The following USP13 variants were observed in gnomAD, a reference collection of about 807,000 sequenced individuals.
USP13 encodes the protein ubiquitin specific peptidase 13, also known as ubiquitin carboxyl-terminal hydrolase 13.
USP13 carries 68 observed loss-of-function variants against 107.8 expected under a neutral mutation model. The ratio of observed to expected loss-of-function variants is 0.63; its 90% confidence interval spans 0.52 to 0.77. USP13 has a LOEUF of 0.77. Ranked by LOEUF, USP13 falls within the 30% of genes least tolerant of loss-of-function variation. USP13 has a pLI of 0.00. For synonymous variants in USP13, 377 were observed against 389.5 expected, an observed-to-expected ratio of 0.97 and a Z score of 0.38; for missense variants, 945 against 1,093.3, an observed-to-expected ratio of 0.86 and a Z score of 1.91.
rs755283510 is a variant in USP13, at chr3:179,730,751, A to G, written c.1254+42A>G. 1.9e-6 allele frequency: 3 copies of G among 1,580,490 alleles called. No homozygotes were observed. The East Asian group carries it at 6.7e-5, about 36-fold the overall frequency. On this transcript the variant is annotated intron_variant, in intron 10 of 20. Transcript: ENST00000263966. ...TTGCCATGTTGACATGTAGGTAGGG[A>G]GGAGCTTTAGAATGTGGGTTTCCTA...
At chr3:179,779,884 A>T (rs1715686076) in intron 19 of USP13, among the ~76,000 whole-genome samples, 1 of 152,188 alleles carries the variant, frequency 6.6e-6, no homozygotes, top group African/African-American at 2.4e-5. Flanking sequence ...GAGGGGCTAC[A>T]AGTGGAGATT....
At chr3:179,768,779 A>G (rs747169673) in intron 19 of USP13, among the ~76,000 whole-genome samples, 1 of 152,192 alleles carries the variant, frequency 6.6e-6, no homozygotes, top group Admixed American at 6.5e-5. Flanking sequence ...ACAAAGTTCT[A>G]TATAGAGGGG....
At chr3:179,777,205 TG>T (rs751725439) in intron 19 of USP13, among the ~76,000 whole-genome samples, 1 of 151,998 alleles carries the variant, frequency 6.6e-6, no homozygotes, top group Non-Finnish European at 1.5e-5. Flanking sequence ...AAAATGCTTT[TG>T]GGGGGGCTTT....
At chr3:179,772,725 A>C (rs866387103) in intron 19 of USP13, among the ~76,000 whole-genome samples, 2 of 152,374 alleles carry the variant, frequency 1.3e-5, no homozygotes, top group African/African-American at 4.8e-5. Flanking sequence ...ACTGATTTAC[A>C]CTGAAGGATA....
rs955397975 is a variant in USP13 at position 179,785,352 on chromosome 3, G to T, written c.*1211G>T. 7.9e-5 allele frequency: 12 copies of T among 152,144 alleles called. No homozygotes were observed. The highest frequency in any genetic ancestry group is 2.7e-4 in the African/African-American group (11 of 41,430). The allele number at this position is 152,144 out of a possible 1,614,324, so 9.4% of individuals were successfully genotyped here. A position where few individuals can be genotyped will look rare whatever the true frequency, so the allele number is the denominator to read the frequency against. ...ACACACTAAGGATTTTAGATGCAAA[G>T]AAACTTTATACAACATTATGAAAGA... On this transcript the variant is annotated 3_prime_UTR_variant, in exon 21 of 21. Coordinates refer to ENST00000263966, the MANE Select transcript of USP13 (RefSeq NM_003940.3).
chr3:179,717,186 T>C (rs1166832930), intron 6 of USP13, among the ~76,000 whole-genome samples: 2 of 152,208 alleles, frequency 1.3e-5, no homozygotes, highest in African/African-American at 2.4e-5. Flanking sequence ...TTTGCTAAGC[T>C]GAGGTTGGGA....
At chr3:179,683,542 A>T (rs145353657) in intron 2 of USP13, among the ~76,000 whole-genome samples, 10 of 152,306 alleles carry the variant, frequency 6.6e-5, no homozygotes, top group African/African-American at 1.9e-4. Flanking sequence ...TCTTACGTGG[A>T]TGGTAGCAGG....
intron 14 of USP13, among the ~76,000 whole-genome samples, chr3:179,753,371 GA>G (rs1714678657): frequency 6.6e-6 from 1 of 152,216 alleles, no homozygotes; most frequent in Non-Finnish European, 1.5e-5. Flanking sequence ...GTGAGCAGGG[GA>G]AGGCAGAGGG....
intron 3 of USP13, among the ~76,000 whole-genome samples, chr3:179,690,659 G>A (rs1340375496): frequency 6.6e-6 from 1 of 152,094 alleles, no homozygotes; most frequent in South Asian, 2.1e-4. Flanking sequence ...TACAACCTGC[G>A]CCTCCCGGGC....
At chr3:179,770,949 G>A (rs1715326198) in intron 19 of USP13, among the ~76,000 whole-genome samples, 1 of 152,188 alleles carries the variant, frequency 6.6e-6, no homozygotes, top group Non-Finnish European at 1.5e-5. Context: ...ATTGGTGTTT[G>A]AGGAACCAAA....
intron 1 of USP13, among the ~76,000 whole-genome samples, chr3:179,671,045 G>C (rs1200918862): frequency 1.3e-5 from 2 of 151,878 alleles, no homozygotes; most frequent in South Asian, 2.1e-4. Context: ...TTGAGATCTG[G>C]AGTTCGAGAC....
chr3:179,750,422 T>A (rs1240395732), intron 13 of USP13, among the ~76,000 whole-genome samples: 1 of 150,588 alleles, frequency 6.6e-6, no homozygotes, highest in East Asian at 1.9e-4. Flanking sequence ...TAAATAAGAA[T>A]AATGTGTATT....
intron 8 of USP13, among the ~76,000 whole-genome samples, chr3:179,723,047 T>A (rs980101307): frequency 6.6e-6 from 1 of 152,160 alleles, no homozygotes; most frequent in African/African-American, 2.4e-5. Context: ...CATCCTAATG[T>A]GTTCCAGAGG....
intron 2 of USP13, among the ~76,000 whole-genome samples, chr3:179,684,503 G>A (rs545456068): frequency 6.6e-5 from 10 of 151,692 alleles, no homozygotes; most frequent in African/African-American, 2.4e-4. Context: ...TAGAGATGGG[G>A]TTTTGCCATG....
intron 19 of USP13, among the ~76,000 whole-genome samples, chr3:179,776,792 G>A (rs975305858): frequency 6.7e-6 from 1 of 149,542 alleles, no homozygotes; most frequent in African/African-American, 2.5e-5. Context: ...TCAAAATTTT[G>A]ACTTTCATCA....
intron 6 of USP13, among the ~76,000 whole-genome samples, chr3:179,714,671 T>G (rs1713043859): frequency 6.6e-6 from 1 of 152,244 alleles, no homozygotes; most frequent in East Asian, 1.9e-4. Flanking sequence ...GAGGATTGCT[T>G]GGGCCCAGGA....
intron 2 of USP13, among the ~76,000 whole-genome samples, chr3:179,683,959 C>T (rs1436327319): frequency 6.6e-6 from 1 of 151,950 alleles, no homozygotes; most frequent in African/African-American, 2.4e-5. Context: ...TCACCCTTTT[C>T]GTTTTATTTA....
At chr3:179,767,418 G>GT (rs869033892) in intron 19 of USP13, among the ~76,000 whole-genome samples, 9 of 146,642 alleles carry the variant, frequency 6.1e-5, no homozygotes, top group Non-Finnish European at 1.0e-4. Context: ...TGCATTGTTA[G>GT]TTTTTTTTGG....
intron 19 of USP13, among the ~76,000 whole-genome samples, chr3:179,768,379 G>A (rs1052772241): frequency 6.6e-6 from 1 of 152,192 alleles, no homozygotes; most frequent in African/African-American, 2.4e-5. Flanking sequence ...ACCTCAGAGT[G>A]ATCTGTAGAT....
Sources: gnomAD v4.1 joint callset for allele counts (sites outside exome capture counted in the v4.1 genomes callset) on GRCh38, gnomAD v4.1.1 for gene constraint, MANE v1.5 for transcripts, NCBI Gene and HGNC (gene_info 2026-07-23, HGNC 2026-07-21) for gene names.